SLC25A30: variants seen among roughly 807,000 people sequenced by gnomAD.
The protein encoded by SLC25A30 is solute carrier family 25 member 30.
Under a neutral mutation model 42.7 loss-of-function variants are expected in SLC25A30, and 29 were observed. That is an observed-to-expected ratio of 0.68 (90% CI 0.51 to 0.93). The LOEUF (loss-of-function observed/expected upper bound fraction) is 0.93. SLC25A30 is among the 40% of genes least tolerant of loss of function. The pLI is 0.00. For missense variants in SLC25A30, 300 were observed against 359.7 expected (o/e 0.83, Z 1.34); for synonymous variants, 124 against 131.0 (o/e 0.95, Z 0.37).
the SLC25A30 span, among the ~76,000 whole-genome samples, chr13:45,423,783 T>TAA: frequency 7.4e-4 from 56 of 75,868 alleles, 1 homozygote; most frequent in African/African-American, 2.8e-3. Flanking sequence ...TATAAATATA[T>TAA]AAATATATAA....
chr13:45,398,639 A>G (rs1881611989), intron 8 of SLC25A30: 1 of 215,576 alleles, frequency 4.6e-6, no homozygotes, highest in African/African-American at 2.3e-5. Context: ...AGATGTCTGA[A>G]TGAGGGATAT....
At position 45,394,204 on chromosome 13, in the gene SLC25A30, C is replaced by T; in HGVS notation, c.*1770G>A. On this transcript the variant is annotated 3_prime_UTR_variant, in exon 10 of 10. Coordinates refer to ENST00000519676, the MANE Select transcript of SLC25A30 (RefSeq NM_001010875.4). The stretch of plus-strand genomic sequence containing the variant: ...TGCCCAGGGAGAGCTGGACTTTCAT[C>T]TGAGTCTCAGCAATTAACAGGTAAC... 1.0e-6 allele frequency: 1 copy of T among 985,380 alleles called. No individual in the cohort carries two copies. The highest frequency in any genetic ancestry group is 1.2e-6 in the Non-Finnish European group (1 of 829,932). The allele number at this position is 985,380 out of a possible 1,614,324, so 61.0% of individuals were successfully genotyped here. A position where few individuals can be genotyped will look rare whatever the true frequency, so the allele number is the denominator to read the frequency against.
chr13:45,411,054 C>T (rs758582038), intron 2 of SLC25A30, among the ~76,000 whole-genome samples: 11 of 152,044 alleles, frequency 7.2e-5, no homozygotes, highest in Non-Finnish European at 1.6e-4. Flanking sequence ...ATCCTCCCAC[C>T]TCTGCCTCCC....
At chr13:45,409,849 G>C (rs1034524187) in intron 2 of SLC25A30, among the ~76,000 whole-genome samples, 2 of 152,138 alleles carry the variant, frequency 1.3e-5, no homozygotes, top group African/African-American at 4.8e-5. Flanking sequence ...AGATAAATAT[G>C]TTAAATACTG....
In SLC25A30 at chr13:45,415,556, G is replaced by C. The variant is rs186401808; in HGVS notation, c.-56+2744C>G. Among the ~76,000 whole-genome samples, 413 of 152,012 alleles carry C rather than the reference G, an allele frequency of 2.7e-3. 3 individuals carry two copies. The highest frequency in any genetic ancestry group is 9.3e-3 in the African/African-American group (385 of 41,496). ...ACTTGAGGTCAGGAGTTCGAGACCA[G>C]CCAGGCCAACATGGTGAAACCCGGT... On this transcript the variant is annotated intron_variant, in intron 1 of 9. Coordinates refer to ENST00000519676, the MANE Select transcript of SLC25A30 (RefSeq NM_001010875.4).
At chr13:45,415,895 G>A (rs1883486562) in intron 1 of SLC25A30, among the ~76,000 whole-genome samples, 1 of 145,872 alleles carries the variant, frequency 6.9e-6, no homozygotes, top group South Asian at 2.3e-4. Context: ...TGCCTCCCAG[G>A]TTCAAGCAAT....
Position 45,395,308 on chromosome 13 carries a change from A to G in SLC25A30, c.*666T>C, listed in dbSNP as rs1881225465. On this transcript the variant is annotated 3_prime_UTR_variant, in exon 10 of 10. Coordinates refer to ENST00000519676, the MANE Select transcript of SLC25A30 (RefSeq NM_001010875.4). ...ACCTTGCAACCTTCAAAGCCAACAC[A>G]TAACACCACCACGAATTTAGAGATT... 1.0e-6 allele frequency: 1 copy of G among 986,368 alleles called. No homozygotes were observed. The highest frequency in any genetic ancestry group is 1.2e-6 in the Non-Finnish European group (1 of 830,554). The allele number at this position is 986,368 out of a possible 1,614,324, so 61.1% of individuals were successfully genotyped here.
the SLC25A30 span, among the ~76,000 whole-genome samples, chr13:45,431,036 T>A: frequency 6.6e-6 from 1 of 151,856 alleles, no homozygotes; most frequent in African/African-American, 2.4e-5. Context: ...AATTGCACGC[T>A]TCTTTTGTTT....
the SLC25A30 span, among the ~76,000 whole-genome samples, chr13:45,424,878 A>ATG: frequency 1.6e-5 from 1 of 60,752 alleles, no homozygotes; most frequent in African/African-American, 6.5e-5. Context: ...ATATATAAAT[A>ATG]TATAAATATA....
chr13:45,425,989 G>A, the SLC25A30 span, among the ~76,000 whole-genome samples: 1 of 146,232 alleles, frequency 6.8e-6, no homozygotes, highest in African/African-American at 2.5e-5. Flanking sequence ...CACTTCGCCT[G>A]GTCAGTTTAT....
In SLC25A30 at chr13:45,395,584, T is replaced by C; in HGVS notation, c.*390A>G. 9.1e-6 allele frequency: 10 copies of C among 1,095,756 alleles called. No homozygotes were observed. Among genetic ancestry groups the C allele is most frequent in the Non-Finnish European group, 1.1e-5 (10 of 894,314 alleles). The allele number at this position is 1,095,756 out of a possible 1,614,324, so 67.9% of individuals were successfully genotyped here. A position where few individuals can be genotyped will look rare whatever the true frequency, so the allele number is the denominator to read the frequency against. On this transcript the variant is annotated 3_prime_UTR_variant, in exon 10 of 10. Transcript: ENST00000519676. ...CCTTCTCGGAGGCTCCATTCCATGG[T>C]TCCAGTGAGCTTTTCTAGAGCAGTC...
At chr13:45,418,966 A>G (rs1883776567), upstream of SLC25A30, among the ~76,000 whole-genome samples, 1 of 115,258 alleles carries the variant, frequency 8.7e-6, no homozygotes. Context: ...AAAAAAAAAA[A>G]AAAAAAAAAA....
chr13:45,398,647 T>C (rs2137627379), intron 8 of SLC25A30: 1 of 231,728 alleles, frequency 4.3e-6, no homozygotes, highest in African/African-American at 2.3e-5. Context: ...GAATGAGGGA[T>C]ATTCATACTA....
At chr13:45,425,648 A>G in the SLC25A30 span, among the ~76,000 whole-genome samples, 4 of 108,464 alleles carry the variant, frequency 3.7e-5, 1 homozygote, top group Admixed American at 4.9e-4. Context: ...AAATATATAT[A>G]TAAGTATATA....
At chr13:45,425,426 A>G in the SLC25A30 span, among the ~76,000 whole-genome samples, 1 of 113,168 alleles carries the variant, frequency 8.8e-6, no homozygotes, top group Non-Finnish European at 1.6e-5. Flanking sequence ...ATAAGTATAT[A>G]TAAATATATG....
chr13:45,419,886 C>T (rs994239788), upstream of SLC25A30, among the ~76,000 whole-genome samples: 8 of 146,452 alleles, frequency 5.5e-5, no homozygotes, highest in East Asian at 3.9e-4. Context: ...GCCGAGATCA[C>T]GCCGCTGCAC....
At chr13:45,417,855 G>T (rs1883668821) in intron 1 of SLC25A30, among the ~76,000 whole-genome samples, 1 of 152,188 alleles carries the variant, frequency 6.6e-6, no homozygotes, top group Non-Finnish European at 1.5e-5. Flanking sequence ...GATTCCGAAT[G>T]TGGTGTGCCC....
the SLC25A30 span, among the ~76,000 whole-genome samples, chr13:45,426,338 G>T: frequency 3.3e-5 from 5 of 152,164 alleles, no homozygotes; most frequent in Non-Finnish European, 7.4e-5. Context: ...ACCCGCCCTG[G>T]CCTTCCAAAG....
At chr13:45,419,312 T>C (rs1593637966), upstream of SLC25A30, among the ~76,000 whole-genome samples, 1 of 151,010 alleles carries the variant, frequency 6.6e-6, no homozygotes, top group Non-Finnish European at 1.5e-5. Context: ...CATACCCAGG[T>C]ATATTTTTGT....
Sources: allele counts gnomAD v4.1 joint callset (sites outside exome capture counted in the v4.1 genomes callset), GRCh38; gene constraint gnomAD v4.1.1; transcripts MANE v1.5; gene names NCBI Gene and HGNC (gene_info 2026-07-23, HGNC 2026-07-21).